The following SLC35F4 variants were observed in gnomAD, a reference collection of about 807,000 sequenced individuals.
SLC35F4 encodes chromosome 14 open reading frame 36.
In SLC35F4, 24 loss-of-function variants were observed where a neutral mutation model predicts 44.2. That is an observed-to-expected ratio of 0.54 (90% CI 0.39 to 0.76). SLC35F4 has a LOEUF of 0.76. SLC35F4 is among the 30% of genes least tolerant of loss of function. The probability of loss-of-function intolerance (pLI) is 0.00; values close to 1 mark genes in which losing one functional copy is unlikely to be tolerated. For synonymous variants in SLC35F4, 238 were observed against 223.6 expected (o/e 1.06, Z -0.57); for missense variants, 562 against 586.1 (o/e 0.96, Z 0.42).
At chr14:57,830,444 G>A (rs184657172) in intron 1 of SLC35F4, among the ~76,000 whole-genome samples, 39 of 152,260 alleles carry the variant, frequency 2.6e-4, no homozygotes, top group African/African-American at 9.2e-4. Flanking sequence ...CAGTCTAAGA[G>A]TAACTTAGAA....
intron 1 of SLC35F4, among the ~76,000 whole-genome samples, chr14:57,847,210 C>T (rs1161775598): frequency 6.6e-6 from 1 of 152,214 alleles, no homozygotes; most frequent in South Asian, 2.1e-4. Context: ...ATAGTTTTGG[C>T]TGCTCTTTGG....
rs57667716 is a variant in SLC35F4 at position 57,779,537 on chromosome 14, T to C, written c.103+86186A>G. Among the ~76,000 whole-genome samples, 2,062 of 152,234 alleles carry C rather than the reference T, an allele frequency of 0.014. 253 individuals are homozygous for C. The East Asian group carries it at 0.31, about 23-fold the overall frequency. The stretch of plus-strand genomic sequence containing the variant: ...GAGCTGATACCATTCCTACTGAAAC[T>C]GTTCCAAAAACCTGAAGAGGAAGGA... On this transcript the variant is annotated intron_variant, in intron 1 of 7. Coordinates refer to ENST00000556826, the MANE Select transcript of SLC35F4 (RefSeq NM_001306087.2).
intron 1 of SLC35F4, among the ~76,000 whole-genome samples, chr14:57,852,548 G>A (rs1219165361): frequency 6.6e-6 from 1 of 152,168 alleles, no homozygotes; most frequent in Non-Finnish European, 1.5e-5. Flanking sequence ...GACTAGAAAG[G>A]AACAAGACAA....
chr14:57,627,441 C>T (rs1018318128), intron 1 of SLC35F4, among the ~76,000 whole-genome samples: 2 of 151,994 alleles, frequency 1.3e-5, no homozygotes, highest in African/African-American at 4.8e-5. Context: ...TTCCTTGGAC[C>T]AGGGCTAAAC....
At chr14:57,593,570 C>G (rs1294307086) in intron 2 of SLC35F4, among the ~76,000 whole-genome samples, 1 of 152,144 alleles carries the variant, frequency 6.6e-6, no homozygotes, top group Non-Finnish European at 1.5e-5. Flanking sequence ...CTGGTGTTTT[C>G]ATTCTTTTCA....
At chr14:57,679,862 T>C (rs1344318096) in intron 1 of SLC35F4, among the ~76,000 whole-genome samples, 1 of 151,988 alleles carries the variant, frequency 6.6e-6, no homozygotes, top group Non-Finnish European at 1.5e-5. Flanking sequence ...TAACGAGTTC[T>C]GAAATTGAGG....
At chr14:57,679,246 A>C (rs1366285538) in intron 1 of SLC35F4, among the ~76,000 whole-genome samples, 2 of 152,160 alleles carry the variant, frequency 1.3e-5, no homozygotes, top group African/African-American at 4.8e-5. Flanking sequence ...AACTACACGG[A>C]AACCGAACAA....
At chr14:57,844,807 C>G (rs1256756872) in intron 1 of SLC35F4, among the ~76,000 whole-genome samples, 3 of 152,168 alleles carry the variant, frequency 2.0e-5, no homozygotes. Context: ...CTTGTCCTGA[C>G]TCTTCACTGC....
intron 1 of SLC35F4, among the ~76,000 whole-genome samples, chr14:57,721,016 G>A (rs2076074909): frequency 4.2e-5 from 2 of 47,382 alleles, no homozygotes; most frequent in African/African-American, 6.0e-5. Flanking sequence ...ATATATATAT[G>A]AGTTAATAAA....
At chr14:57,976,041 A>T (rs1881204781), downstream of SLC35F4, among the ~76,000 whole-genome samples, 1 of 152,222 alleles carries the variant, frequency 6.6e-6, no homozygotes, top group Non-Finnish European at 1.5e-5. Flanking sequence ...AGGAGTGTAG[A>T]AACCTGCATG....
chr14:57,756,886 T>A (rs1305065590), intron 1 of SLC35F4, among the ~76,000 whole-genome samples: 1 of 152,026 alleles, frequency 6.6e-6, no homozygotes, highest in Non-Finnish European at 1.5e-5. Context: ...GATCTCGAAC[T>A]CCTGAGCCCA....
At chr14:57,687,468 CA>C (rs2075100722) in intron 1 of SLC35F4, among the ~76,000 whole-genome samples, 1 of 152,170 alleles carries the variant, frequency 6.6e-6, no homozygotes, top group Non-Finnish European at 1.5e-5. Context: ...CTATTCCAAA[CA>C]GGAAACATCT....
intron 1 of SLC35F4, among the ~76,000 whole-genome samples, chr14:57,823,181 C>T (rs1023669649): frequency 2.6e-5 from 4 of 152,112 alleles, no homozygotes; most frequent in Admixed American, 6.6e-5. Flanking sequence ...CCTACCTTCT[C>T]GGCATCATTC....
At chr14:57,581,466 A>G (rs762609144) in intron 3 of SLC35F4, 33 bp from the exon 4 acceptor site, 19 of 1,553,856 alleles carry the variant, frequency 1.2e-5, no homozygotes, top group Non-Finnish European at 1.7e-5. Flanking sequence ...ATATCCAGGT[A>G]CTGATGGTGA....
intron 2 of SLC35F4, among the ~76,000 whole-genome samples, chr14:57,591,305 A>G (rs530202479): frequency 6.6e-6 from 1 of 152,282 alleles, no homozygotes; most frequent in Non-Finnish European, 1.5e-5. Flanking sequence ...TGGGGGGGAT[A>G]TGATCAGAAA....
At position 57,883,803 on chromosome 14, in the gene SLC35F4, T is replaced by C. The variant is rs190203256; in HGVS notation, n.282+98110A>G. Among the ~76,000 whole-genome samples, 287 of 152,330 alleles carry C rather than the reference T, an allele frequency of 1.9e-3. 2 individuals are homozygous for C. The highest frequency in any genetic ancestry group is 6.6e-3 in the African/African-American group (275 of 41,576). ...TGTATTAACTTGGTCCTTTCTTTCC[T>C]AGATCCTATTGAAGTGCTAATATAG... On this transcript the variant is annotated intron_variant and non_coding_transcript_variant, in intron 1 of 1. Transcript: ENST00000556568.
intron 1 of SLC35F4, among the ~76,000 whole-genome samples, chr14:57,829,327 G>A (rs914921324): frequency 6.6e-6 from 1 of 152,164 alleles, no homozygotes; most frequent in Non-Finnish European, 1.5e-5. Flanking sequence ...TGGGTCGTGG[G>A]GGAAGGGAAC....
chr14:57,896,472 C>A (rs1888872181), intron 1 of SLC35F4, among the ~76,000 whole-genome samples: 1 of 152,126 alleles, frequency 6.6e-6, no homozygotes, highest in Admixed American at 6.6e-5. Flanking sequence ...ATGAGGAAAC[C>A]CTCTAGGATG....
intron 3 of SLC35F4, among the ~76,000 whole-genome samples, chr14:57,583,827 TG>T (rs1362900657): frequency 6.6e-6 from 1 of 151,588 alleles, no homozygotes; most frequent in Non-Finnish European, 1.5e-5. Context: ...ACATGAAAAC[TG>T]AAAAAAAAAT....
Sources: gnomAD v4.1 joint callset for allele counts (sites outside exome capture counted in the v4.1 genomes callset) on GRCh38, gnomAD v4.1.1 for gene constraint, MANE v1.5 for transcripts, NCBI Gene and HGNC (gene_info 2026-07-23, HGNC 2026-07-21) for gene names.